The following LGALS12 variants were observed in gnomAD, a reference collection of about 807,000 sequenced individuals.
LGALS12 encodes the protein galectin 12, also known as galectin-12.
In LGALS12, 36 loss-of-function variants were observed where a neutral mutation model predicts 36.8. That is an observed-to-expected ratio of 0.98 (90% CI 0.75 to 1.29). LGALS12 has a LOEUF of 1.29. Among genes scored for constraint, LGALS12 ranks in the 50% most tolerant of loss-of-function variants. The pLI is 0.00. For synonymous variants in LGALS12, 145 were observed against 155.9 expected, an observed-to-expected ratio of 0.93 and a Z score of 0.52; for missense variants, 366 against 394.3, an observed-to-expected ratio of 0.93 and a Z score of 0.61.
chr11:63,507,138 A>G (rs1217311729), intron 1 of LGALS12, among the ~76,000 whole-genome samples: 2 of 152,148 alleles, frequency 1.3e-5, no homozygotes, highest in Non-Finnish European at 2.9e-5. Context: ...GAAGTGATCA[A>G]CTGCTGAACC....
intron 7 of LGALS12, among the ~76,000 whole-genome samples, chr11:63,514,029 G>A (rs892626645): frequency 6.6e-5 from 10 of 152,204 alleles, no homozygotes; most frequent in Non-Finnish European, 1.2e-4. Context: ...TGGGGCTGGA[G>A]GCTCCACGCA....
chr11:63,516,258 G>A lies in LGALS12; in HGVS notation c.810G>A (p.Leu270=), dbSNP rs767930815. Reference sequence around the variant, plus strand: ...TCCTCCTTTCCCAGGTGCTGCTCCTGTTCCAGGAGGGAGGGCTGAAGCTGG... The same window carrying A: ...TCCTCCTTTCCCAGGTGCTGCTCCTATTCCAGGAGGGAGGGCTGAAGCTGG... ...YPQRFFEVLL[L]FQEGGLKLAL... Residue 270 remains leucine (L), a synonymous_variant, in exon 9 of 9, where the codon CTG becomes CTA. Transcript: ENST00000394618. The A allele has an allele frequency of 1.9e-6, 3 of 1,584,510 alleles. No homozygotes were observed. The highest frequency in any genetic ancestry group is 1.8e-5 in the Admixed American group (1 of 55,730).
At chr11:63,509,536 A>C (rs894925091) in intron 3 of LGALS12, among the ~76,000 whole-genome samples, 2 of 152,162 alleles carry the variant, frequency 1.3e-5, no homozygotes, top group Admixed American at 6.5e-5. Flanking sequence ...AGAAAGCACA[A>C]TGAGGGGCCT....
chr11:63,508,815 C>A lies in LGALS12; in HGVS notation c.196C>A (p.Pro66Thr). The A allele has an allele frequency of 6.2e-7, 1 of 1,614,208 alleles. No homozygotes were observed. Among genetic ancestry groups the A allele is most frequent in the Non-Finnish European group, 8.5e-7 (1 of 1,180,036 alleles). ...CTTCCAGTGTGGCTGCAGCCTGTGT[C>A]CCCGGCCAGATATCGCCTTCCACTT... is the stretch of plus-strand genomic sequence containing the variant. ...VDFQCGCSLC[P>T]RPDIAFHFNP... Residue 66 changes from proline (P) to threonine (T), a missense_variant, in exon 3 of 9, where the codon CCC becomes ACC. By Grantham distance (38) the Pro-to-Thr change is conservative. Coordinates refer to ENST00000394618, the MANE Select transcript of LGALS12 (RefSeq NM_033101.4).
chr11:63,507,004 G>A (rs890506816), intron 1 of LGALS12, among the ~76,000 whole-genome samples: 1 of 152,182 alleles, frequency 6.6e-6, no homozygotes, highest in Admixed American at 6.5e-5. Flanking sequence ...ACAGAAGGCT[G>A]AATTCCCAGC....
intron 6 of LGALS12, 25 bp from the exon 7 acceptor site, chr11:63,511,727 C>G (rs756170579): frequency 5.1e-6 from 8 of 1,581,710 alleles, no homozygotes; most frequent in Non-Finnish European, 6.9e-6. Context: ...AAGTCAACTT[C>G]TCAATACCTC....
chr11:63,509,988 G>T, intron 4 of LGALS12, 91 bp downstream of exon 4: 1 of 1,451,522 alleles, frequency 6.9e-7, no homozygotes, highest in Non-Finnish European at 9.3e-7. Flanking sequence ...CTCCACCCTA[G>T]ACTGAGAGAG....
rs1457161970 is a variant in LGALS12 at position 63,506,451 on chromosome 11, C to T, written c.-8C>T. 1 of 1,614,074 alleles carries T rather than the reference C, an allele frequency of 6.2e-7. No homozygotes were observed. Among genetic ancestry groups the T allele is most frequent in the African/African-American group, 1.3e-5 (1 of 74,922 alleles). Reference sequence around the variant, plus strand: ...ACGAGGATCTACAGTTGGAGTTGCCCCACTGTCATGTCACCTGGAGAAAAA... The same window carrying T: ...ACGAGGATCTACAGTTGGAGTTGCCTCACTGTCATGTCACCTGGAGAAAAA... On this transcript the variant is annotated 5_prime_UTR_variant, in exon 1 of 9. Coordinates refer to ENST00000394618, the MANE Select transcript of LGALS12 (RefSeq NM_033101.4).
intron 7 of LGALS12, among the ~76,000 whole-genome samples, chr11:63,513,587 A>G (rs889756938): frequency 6.6e-6 from 1 of 152,358 alleles, no homozygotes; most frequent in South Asian, 2.1e-4. Context: ...AGTTCAGCCG[A>G]GATCCACCAA....
chr11:63,509,698 T>C, intron 3 of LGALS12, 80 bp from the exon 4 acceptor site: 2 of 1,518,882 alleles, frequency 1.3e-6, no homozygotes, highest in South Asian at 2.4e-5. Context: ...GAGGAAAAAG[T>C]GCTTGGCAAT....
chr11:63,508,415 A>AT lies in LGALS12; in HGVS notation c.70-133dup, dbSNP rs1217597153. On this transcript the variant is annotated intron_variant, in intron 1 of 8. Transcript: ENST00000394618. ...GAAGAAAATATTTCAGTGAACACTG[A>AT]TTTTTACCTATAAGGAATTTTCTGT... The AT allele has an allele frequency of 2.0e-5, 30 of 1,465,142 alleles. No homozygotes were observed. In the Middle Eastern group the frequency reaches 5.8e-4, roughly 28 times the overall value. The allele number at this position is 1,465,142 out of a possible 1,614,324, so 90.8% of individuals were successfully genotyped here. A position where few individuals can be genotyped will look rare whatever the true frequency, so the allele number is the denominator to read the frequency against.
rs368362904 is a variant in LGALS12, at chr11:63,511,108, G to A, written c.558+3G>A. On this transcript the variant is annotated splice_donor_region_variant and intron_variant, in intron 6 of 8. Coordinates refer to ENST00000394618, the MANE Select transcript of LGALS12 (RefSeq NM_033101.4). ...TCCTGCTGATGAGCCCCAGGCTGGTGAGTGAACCTCCCTCCTGCTCTGTCA... is the reference window on the plus strand; with the variant it reads ...TCCTGCTGATGAGCCCCAGGCTGGTAAGTGAACCTCCCTCCTGCTCTGTCA... 1.5e-5 allele frequency: 25 copies of A among 1,613,172 alleles called. No individual in the cohort carries two copies. The African/African-American group carries it at 3.3e-4, about 22-fold the overall frequency.
intron 1 of LGALS12, among the ~76,000 whole-genome samples, chr11:63,507,348 G>A (rs1382557752): frequency 6.6e-6 from 1 of 152,178 alleles, no homozygotes; most frequent in African/African-American, 2.4e-5. Flanking sequence ...GGGAGTTAGA[G>A]AGCAACACAG....
intron 6 of LGALS12, among the ~76,000 whole-genome samples, chr11:63,511,335 T>G (rs2016914348): frequency 6.6e-6 from 1 of 152,180 alleles, no homozygotes; most frequent in Non-Finnish European, 1.5e-5. Flanking sequence ...AGGCTGAAGC[T>G]CCAGCTTCAT....
intron 4 of LGALS12, 108 bp downstream of exon 4, chr11:63,510,005 C>A (rs1361558442): frequency 7.5e-7 from 1 of 1,333,430 alleles, no homozygotes. Flanking sequence ...AGAGAGGACG[C>A]CCTGTGCACC....
Position 63,515,628 on chromosome 11 carries a change from A to G in LGALS12, c.713A>G (p.Asp238Gly), listed in dbSNP as rs753199048. 11 of 1,614,246 alleles carry G rather than the reference A, an allele frequency of 6.8e-6. No homozygotes were observed. The highest frequency in any genetic ancestry group is 1.1e-5 in the South Asian group (1 of 91,088). Reference sequence around the variant, plus strand: ...GTGACACTCAGGGCCTCCTTCGCAGACAGAACTCTGGCCTGGATCTCCCGC... The same window carrying G: ...GTGACACTCAGGGCCTCCTTCGCAGGCAGAACTCTGGCCTGGATCTCCCGC... Reference protein sequence around the residue: ...APVTLRASFADRTLAWISRWG... With the variant: ...APVTLRASFAGRTLAWISRWG... The change falls in exon 8 of 9, where the codon GAC becomes GGC. Residue 238 changes from aspartate to glycine, a missense_variant. Transcript: ENST00000394618.
intron 7 of LGALS12, 34 bp from the exon 8 acceptor site, chr11:63,515,529 G>A (rs2017051850): frequency 4.3e-6 from 7 of 1,610,546 alleles, no homozygotes; most frequent in African/African-American, 1.3e-5. Flanking sequence ...GGCAATGGGC[G>A]CTGATTCCTT....
intron 5 of LGALS12, among the ~76,000 whole-genome samples, 169 bp from the exon 6 acceptor site, chr11:63,510,910 G>C (rs73490106): frequency 1.3e-5 from 2 of 152,312 alleles, no homozygotes; most frequent in East Asian, 3.9e-4. Flanking sequence ...TTATTCCAGC[G>C]CTGGTGAACC....
At position 63,506,439 on chromosome 11, in the gene LGALS12, G is replaced by A. The variant is rs867327797; in HGVS notation, c.-20G>A. 1.2e-6 allele frequency: 2 copies of A among 1,614,114 alleles called. No homozygotes were observed. Among genetic ancestry groups the A allele is most frequent in the African/African-American group, 2.7e-5 (2 of 74,938 alleles). ...AGGGCTCCTGGAACGAGGATCTACA[G>A]TTGGAGTTGCCCCACTGTCATGTCA... On this transcript the variant is annotated 5_prime_UTR_variant, in exon 1 of 9. Transcript: ENST00000394618.
Sources: allele counts gnomAD v4.1 joint callset (sites outside exome capture counted in the v4.1 genomes callset), GRCh38; gene constraint gnomAD v4.1.1; transcripts MANE v1.5; gene names NCBI Gene and HGNC (gene_info 2026-07-23, HGNC 2026-07-21).